The following CYP17A1 variants were observed in gnomAD, a reference collection of about 807,000 sequenced individuals.
CYP17A1 encodes cytochrome P450 family 17 subfamily A member 1.
CYP17A1 carries 27 observed loss-of-function variants against 38.5 expected under a neutral mutation model. The ratio of observed to expected loss-of-function variants is 0.70; its 90% CI spans 0.52 to 0.97. CYP17A1 has a LOEUF of 0.97. Among genes scored for constraint, CYP17A1 ranks in the 50% least tolerant of loss-of-function variants. The pLI, the probability that CYP17A1 is intolerant of heterozygous loss-of-function variation, is 0.00. For synonymous variants in CYP17A1, 263 were observed against 253.3 expected, an observed-to-expected ratio of 1.04 and a Z score of -0.36; for missense variants, 549 against 645.9, an observed-to-expected ratio of 0.85 and a Z score of 1.63.
chr10:102,835,666 C>T (rs1014282235), intron 1 of CYP17A1: 6 of 471,340 alleles, frequency 1.3e-5, no homozygotes, highest in African/African-American at 3.9e-5. Context: ...GGGTTCTTTT[C>T]GCTGACAGGG....
chr10:102,834,303 G>A, intron 3 of CYP17A1, 181 bp from the exon 4 acceptor site: 1 of 629,836 alleles, frequency 1.6e-6, no homozygotes, highest in Non-Finnish European at 2.9e-6. Context: ...TGACGACGAA[G>A]ACAATTCTAA....
chr10:102,836,910 T>G (rs1590204652), intron 1 of CYP17A1, 155 bp downstream of exon 1: 4 of 699,936 alleles, frequency 5.7e-6, no homozygotes. Context: ...TGGGTGGGGG[T>G]CTGAAGGTTC....
Position 102,837,330 on chromosome 10 carries a change from G to A in CYP17A1, c.32C>T (p.Thr11Ile), listed in dbSNP as rs72559703. The change falls in exon 1 of 8, where the codon ACC (threonine) becomes ATC (isoleucine). Residue 11 changes from threonine (T) to isoleucine (I), a missense_variant. Around this residue, in one of 3 missense-constraint regions of CYP17A1, gnomAD observed 289 missense variants for 320.9 expected, o/e 0.90. Coordinates refer to ENST00000369887, the MANE Select transcript of CYP17A1 (RefSeq NM_000102.4). MWELVALLLL[T>I]LAYLFWPKRR... The stretch of plus-strand genomic sequence containing the variant: ...CTTGGGCCAAAACAAATAAGCTAGG[G>A]TAAGCAGCAAGAGAGCCACGAGCTC... The A allele has an allele frequency of 6.2e-5, 100 of 1,612,686 alleles. 1 individual carries two copies. In the East Asian group the frequency reaches 1.5e-3, roughly 24 times the overall value.
chr10:102,831,487 C>T (rs767241184), intron 7 of CYP17A1, 21 bp downstream of exon 7: 14 of 1,613,132 alleles, frequency 8.7e-6, no homozygotes, highest in Middle Eastern at 1.6e-4. Flanking sequence ...TGGCCCAGGG[C>T]GCAGGACAGG....
intron 7 of CYP17A1, 64 bp from the exon 8 acceptor site, chr10:102,831,049 C>G: frequency 8.7e-7 from 1 of 1,145,038 alleles, no homozygotes; most frequent in South Asian, 1.3e-5. Flanking sequence ...ATGGTTCTGC[C>G]CTGGTTGAGG....
In CYP17A1 at chr10:102,834,986, A is replaced by C; in HGVS notation, c.465T>G (p.Asp155Glu). 6.2e-7 allele frequency: 1 copy of C among 1,605,666 alleles called. No homozygotes were observed. Among genetic ancestry groups the C allele is most frequent in the Non-Finnish European group, 8.5e-7 (1 of 1,174,686 alleles). ...IICQEISTLCDMLATHNGQSI... is the reference protein window; with the variant it reads ...IICQEISTLCEMLATHNGQSI... ...ACTGTCCGTTGTGGGTGGCCAGCAT[A>C]TCACACAATGTACTGATTTCCTGAC... The change falls in exon 3 of 8, where the codon GAT (aspartate) becomes GAG (glutamate). Residue 155 changes from aspartate (D) to glutamate (E), a missense_variant. Coordinates refer to ENST00000369887, the MANE Select transcript of CYP17A1 (RefSeq NM_000102.4).
Position 102,834,614 on chromosome 10 carries a change from T to C in CYP17A1, c.666+171A>G. ...GTGCATAATTAAAAGGCTAAATCTA[T>C]CTCTGCAGAGAAATGGCAAAGGTTT... On this transcript the variant is annotated intron_variant, in intron 3 of 7. Transcript: ENST00000369887. 3 of 841,714 alleles carry C rather than the reference T, an allele frequency of 3.6e-6. No individual in the cohort carries two copies. In the South Asian group the frequency reaches 4.5e-5, roughly 13 times the overall value. 52.1% of individuals were successfully genotyped at this position (841,714 alleles called of 1,614,324 possible).
In CYP17A1 at chr10:102,837,031, T is replaced by C. The variant is rs568494540; in HGVS notation, c.297+34A>G. 8.9e-5 allele frequency: 118 copies of C among 1,331,236 alleles called. No homozygotes were observed. The South Asian group carries it at 1.3e-3, about 15-fold the overall frequency. The allele number at this position is 1,331,236 out of a possible 1,614,324, so 82.5% of individuals were successfully genotyped here. ...AGACCTGAACAATCCCAGGGGGTGG[T>C]GAAGGGGGCAGGGAGGAGATGGGCA... On this transcript the variant is annotated intron_variant, in intron 1 of 7. Coordinates refer to ENST00000369887, the MANE Select transcript of CYP17A1 (RefSeq NM_000102.4).
chr10:102,836,201 A>G (rs1237538310), intron 1 of CYP17A1, among the ~76,000 whole-genome samples: 1 of 151,762 alleles, frequency 6.6e-6, no homozygotes, highest in Non-Finnish European at 1.5e-5. Context: ...GCTTACGCCT[A>G]TAATCCTAGC....
rs745927932 is a variant in CYP17A1 at position 102,834,964 on chromosome 10, G to C, written c.487C>G (p.Gln163Glu). 5 of 1,611,998 alleles carry C rather than the reference G, an allele frequency of 3.1e-6. No homozygotes were observed. The African/African-American group carries it at 5.3e-5, about 17-fold the overall frequency. Residue 163 changes from glutamine (Q) to glutamate (E), a missense_variant, in exon 3 of 8, where the codon CAG becomes GAG. Coordinates refer to ENST00000369887, the MANE Select transcript of CYP17A1 (RefSeq NM_000102.4). ...LCDMLATHNGQSIDISFPVFV... is the reference protein window; with the variant it reads ...LCDMLATHNGESIDISFPVFV... Reference sequence around the variant, plus strand: ...ACAGGAAAGGAGATGTCTATGGACTGTCCGTTGTGGGTGGCCAGCATATCA... The same window carrying C: ...ACAGGAAAGGAGATGTCTATGGACTCTCCGTTGTGGGTGGCCAGCATATCA...
In CYP17A1 at chr10:102,835,309, C is replaced by T. The variant is rs745456299; in HGVS notation, c.381G>A (p.Leu127=). The T allele has an allele frequency of 6.2e-7, 1 of 1,612,756 alleles. No individual in the cohort carries two copies. Among genetic ancestry groups the T allele is most frequent in the Non-Finnish European group, 8.5e-7 (1 of 1,178,672 alleles). The change falls in exon 2 of 8, where the codon CTG becomes CTA. Residue 127 remains leucine, a synonymous_variant. Coordinates refer to ENST00000369887, the MANE Select transcript of CYP17A1 (RefSeq NM_000102.4). ...TGAACAGGGCAAAGGTGGCCATCGC[C>T]AGCCTTCGATGCAGCTGCCAGTGTG... ...SGAHWQLHRR[L]AMATFALFKD...
chr10:102,831,045 C>G, intron 7 of CYP17A1, 60 bp from the exon 8 acceptor site: 1 of 1,185,314 alleles, frequency 8.4e-7, no homozygotes. Flanking sequence ...AGGCATGGTT[C>G]TGCCCTGGTT....
At chr10:102,832,068 TTTAA>T (rs1324497335) in intron 6 of CYP17A1, among the ~76,000 whole-genome samples, 1 of 151,862 alleles carries the variant, frequency 6.6e-6, no homozygotes, top group African/African-American at 2.4e-5. Context: ...GATTTTTATA[TTTAA>T]TTAATTAATT....
intron 4 of CYP17A1, 193 bp from the exon 5 acceptor site, chr10:102,833,401 G>A: frequency 9.4e-7 from 1 of 1,062,610 alleles, no homozygotes; most frequent in East Asian, 2.8e-5. Context: ...GGAGAGGTTA[G>A]GTCTCTTCTA....
rs371560015 is a variant in CYP17A1, at chr10:102,834,137, G to T, written c.667-15C>A. 11 of 1,054,218 alleles carry T rather than the reference G, an allele frequency of 1.0e-5. No individual in the cohort carries two copies. Among genetic ancestry groups the T allele is most frequent in the East Asian group, 2.4e-5 (1 of 42,492 alleles). 65.3% of individuals were successfully genotyped at this position (1,054,218 alleles called of 1,614,324 possible). ...TTGGGGAAAATCTGGGAAATAAAAA[G>T]AAATGTTAAATCCACCCTTCTTCCA... On this transcript the variant is annotated splice_polypyrimidine_tract_variant and intron_variant, in intron 3 of 7. Coordinates refer to ENST00000369887, the MANE Select transcript of CYP17A1 (RefSeq NM_000102.4).
chr10:102,835,148 C>T lies in CYP17A1; in HGVS notation c.436+106G>A, dbSNP rs957752302. 1.9e-5 allele frequency: 22 copies of T among 1,159,970 alleles called. No individual in the cohort carries two copies. The Middle Eastern group carries it at 9.9e-4, about 52-fold the overall frequency. 71.9% of individuals were successfully genotyped at this position (1,159,970 alleles called of 1,614,324 possible). ...GATGGCAGCAGTAGCCAAGAAAAGG[C>T]TGCATTGCGCTCTAGTCCTAACCCT... On this transcript the variant is annotated intron_variant, in intron 2 of 7. Transcript: ENST00000369887.
chr10:102,830,946 G>A lies in CYP17A1; in HGVS notation c.1283C>T (p.Pro428Leu), dbSNP rs104894145. The A allele has an allele frequency of 3.8e-6, 6 of 1,577,536 alleles. No homozygotes were observed. The highest frequency in any genetic ancestry group is 2.3e-5 in the East Asian group (1 of 43,320). ...LNPAGTQLIS[P>L]SVSYLPFGAG... is the part of the protein sequence containing the mutation. ...TCCGAAGGGCAAATAGCTTACTGAC[G>A]GTGAGATGAGCTGGGTCCCCGCTGG... is the stretch of plus-strand genomic sequence containing the variant. The change falls in exon 8 of 8, where the codon CCG becomes CTG. Residue 428 changes from proline to leucine, a missense_variant. Physicochemically the swap from Pro to Leu is moderately conservative, Grantham distance 98 (BLOSUM62 -3). Transcript: ENST00000369887. This position sits in a 1 kb window ranked among gnomAD's most constrained non-coding sequence, Gnocchi z 4.1.
Position 102,831,607 on chromosome 10 carries a change from C to G in CYP17A1, c.1144G>C (p.Gly382Arg). 3 of 1,613,658 alleles carry G rather than the reference C, an allele frequency of 1.9e-6. No individual in the cohort carries two copies. Among genetic ancestry groups the G allele is most frequent in the Non-Finnish European group, 2.5e-6 (3 of 1,180,012 alleles). The change falls in exon 7 of 8, where the codon GGT (glycine) becomes CGT (arginine). Residue 382 changes from glycine to arginine, a missense_variant. By Grantham distance (125) the Gly-to-Arg change is moderately radical. Coordinates refer to ENST00000369887, the MANE Select transcript of CYP17A1 (RefSeq NM_000102.4). ...PHKANVDSSIGEFAVDKGTEV... is the reference protein window; with the variant it reads ...PHKANVDSSIREFAVDKGTEV... ...GTGCCCTTGTCCACAGCAAACTCAC[C>G]GATGCTGCTCCAGAGTGGAAGAGGA...
rs1487829040 is a variant in CYP17A1, at chr10:102,832,981, G to A, written c.969+12C>T. 1.2e-6 allele frequency: 2 copies of A among 1,613,642 alleles called. No homozygotes were observed. The highest frequency in any genetic ancestry group is 1.7e-6 in the Non-Finnish European group (2 of 1,179,808). On this transcript the variant is annotated intron_variant, in intron 5 of 7. Transcript: ENST00000369887. Reference sequence around the variant, plus strand: ...CTGGCTGGGGTCTAGGATCAATGAGGGGGAAGCACACCTGAGGATTGTGCA... The same window carrying A: ...CTGGCTGGGGTCTAGGATCAATGAGAGGGAAGCACACCTGAGGATTGTGCA...
Sources: gnomAD v4.1 joint callset for allele counts (sites outside exome capture counted in the v4.1 genomes callset) on GRCh38, gnomAD v4.1.1 for gene constraint, gnomAD v4.1.1 regional missense constraint, Gnocchi (gnomAD v3.1) non-coding constraint, MANE v1.5 for transcripts, NCBI Gene and HGNC (gene_info 2026-07-23, HGNC 2026-07-21) for gene names.